SEMA5A: variants seen among roughly 807,000 people sequenced by gnomAD.
SEMA5A encodes semaphorin-5A.
A neutral mutation model predicts 135.5 loss-of-function variants in SEMA5A; 55 were observed. The observed-to-expected ratio is 0.41, with a 90% confidence interval of 0.33 to 0.51. SEMA5A has a LOEUF of 0.51. SEMA5A is among the 20% of genes least tolerant of loss of function. The pLI is 0.37. For missense variants in SEMA5A, 1,290 were observed against 1,419.9 expected (o/e 0.91, Z 1.47); for synonymous variants, 580 against 546.5 (o/e 1.06, Z -0.85).
At chr5:9,425,828 G>A (rs1757626529) in intron 2 of SEMA5A, among the ~76,000 whole-genome samples, 1 of 152,122 alleles carries the variant, frequency 6.6e-6, no homozygotes, top group African/African-American at 2.4e-5. Context: ...ATCCCTTGGG[G>A]ACCTTTAGAA....
chr5:9,085,391 G>T (rs1246547604), intron 16 of SEMA5A, among the ~76,000 whole-genome samples: 1 of 152,154 alleles, frequency 6.6e-6, no homozygotes, highest in East Asian at 1.9e-4. Flanking sequence ...ACCTGGGCTG[G>T]GCCCGGGGTC....
rs141036201 is a variant in SEMA5A at position 9,238,958 on chromosome 5, A to G, written c.271-1068T>C. ...AGCAACCTAGTGTCAAATCATATGA[A>G]GGAAAATAATGGCTTCACCCTTATT... On this transcript the variant is annotated intron_variant, in intron 5 of 22. Coordinates refer to ENST00000382496, the MANE Select transcript of SEMA5A (RefSeq NM_003966.3). Among the ~76,000 whole-genome samples, 11 of 152,284 alleles carry G rather than the reference A, an allele frequency of 7.2e-5. No individual in the cohort carries two copies. In the East Asian group the frequency reaches 2.1e-3, roughly 29 times the overall value.
chr5:9,082,138 T>C (rs753702257), intron 16 of SEMA5A, among the ~76,000 whole-genome samples: 1 of 152,210 alleles, frequency 6.6e-6, no homozygotes, highest in Admixed American at 6.5e-5. Flanking sequence ...AGAATTTCAT[T>C]GTTGTATGAC....
chr5:9,081,147 T>A (rs181437754), intron 16 of SEMA5A, among the ~76,000 whole-genome samples: 294 of 152,092 alleles, frequency 1.9e-3, no homozygotes, highest in African/African-American at 6.8e-3. Flanking sequence ...AAATACAAGA[T>A]CTCAGTCCTA....
rs1441813248 is a variant in SEMA5A, at chr5:9,545,386, C to A, written c.-175+198G>T. On this transcript the variant is annotated intron_variant, in intron 1 of 22. Transcript: ENST00000382496. This position sits in a 1 kb window ranked among gnomAD's most constrained non-coding sequence, Gnocchi z 4.5. Reference sequence around the variant, plus strand: ...GCCCGTGCACTAGCTCAACTGTGGGCGCCCCCGGACTGACGGTCGTCCTAA... The same window carrying A: ...GCCCGTGCACTAGCTCAACTGTGGGAGCCCCCGGACTGACGGTCGTCCTAA... Among the ~76,000 whole-genome samples, 4 of 152,076 alleles carry A rather than the reference C, an allele frequency of 2.6e-5. No homozygotes were observed. In the East Asian group the frequency reaches 7.8e-4, roughly 30 times the overall value.
intron 15 of SEMA5A, among the ~76,000 whole-genome samples, chr5:9,113,400 G>A (rs1218184545): frequency 6.6e-6 from 1 of 152,030 alleles, no homozygotes; most frequent in Non-Finnish European, 1.5e-5. Flanking sequence ...GGCCAGTAAG[G>A]GTTTAGAGGA....
intron 2 of SEMA5A, among the ~76,000 whole-genome samples, chr5:9,434,516 G>A (rs945193261): frequency 6.6e-6 from 1 of 152,068 alleles, no homozygotes; most frequent in Non-Finnish European, 1.5e-5. Flanking sequence ...GTACTCCAGA[G>A]ATAATCTCTG....
intron 16 of SEMA5A, among the ~76,000 whole-genome samples, chr5:9,077,418 C>T (rs976674859): frequency 2.6e-5 from 4 of 152,132 alleles, no homozygotes; most frequent in Non-Finnish European, 5.9e-5. Context: ...ACTACTCTTA[C>T]TAGTCATAGA....
chr5:9,383,827 C>A (rs183143024), intron 2 of SEMA5A, among the ~76,000 whole-genome samples: 2 of 152,128 alleles, frequency 1.3e-5, no homozygotes, highest in African/African-American at 4.8e-5. Flanking sequence ...GAAGCCCTAA[C>A]ATCTTTGCCA....
intron 16 of SEMA5A, among the ~76,000 whole-genome samples, chr5:9,092,765 G>C (rs959365301): frequency 1.1e-4 from 17 of 152,088 alleles, no homozygotes; most frequent in African/African-American, 3.4e-4. Flanking sequence ...GAGTAGATAA[G>C]AACAATATAA....
At chr5:9,201,241 C>A (rs1745687515) in intron 9 of SEMA5A, among the ~76,000 whole-genome samples, 1 of 152,066 alleles carries the variant, frequency 6.6e-6, no homozygotes, top group Non-Finnish European at 1.5e-5. Context: ...CACAGCATAC[C>A]AGCTAAGGAT....
chr5:9,274,847 T>C (rs1207423888), intron 5 of SEMA5A, among the ~76,000 whole-genome samples: 1 of 152,118 alleles, frequency 6.6e-6, no homozygotes, highest in Non-Finnish European at 1.5e-5. Flanking sequence ...TAGAGGGAAA[T>C]TTATGGCACT....
intron 18 of SEMA5A, among the ~76,000 whole-genome samples, chr5:9,059,012 G>A (rs1382371792): frequency 6.6e-6 from 1 of 152,182 alleles, no homozygotes; most frequent in Non-Finnish European, 1.5e-5. Context: ...ACAACTGCCA[G>A]AATTATTCTT....
At chr5:9,452,144 G>C (rs1293463593) in intron 1 of SEMA5A, among the ~76,000 whole-genome samples, 1 of 152,138 alleles carries the variant, frequency 6.6e-6, no homozygotes, top group Admixed American at 6.5e-5. Context: ...TCCTAATGCT[G>C]AGGACAGACC....
At chr5:9,119,366 G>C (rs1045870265) in intron 14 of SEMA5A, among the ~76,000 whole-genome samples, 8 of 152,088 alleles carry the variant, frequency 5.3e-5, no homozygotes, top group African/African-American at 1.9e-4. Flanking sequence ...GGAAATTTGA[G>C]AATAAAGTTT....
At chr5:9,305,197 C>T (rs888428379) in intron 5 of SEMA5A, among the ~76,000 whole-genome samples, 2 of 152,094 alleles carry the variant, frequency 1.3e-5, no homozygotes, top group African/African-American at 4.8e-5. Context: ...GATTTTTCAT[C>T]TCTTAGTCTT....
intron 4 of SEMA5A, among the ~76,000 whole-genome samples, chr5:9,327,045 T>TA (rs1214612463): frequency 1.3e-5 from 2 of 152,184 alleles, no homozygotes; most frequent in Non-Finnish European, 2.9e-5. Flanking sequence ...ATAACTATCC[T>TA]AAAAAATGTC....
At chr5:9,381,377 C>T (rs1162906374) in intron 2 of SEMA5A, among the ~76,000 whole-genome samples, 3 of 152,170 alleles carry the variant, frequency 2.0e-5, no homozygotes, top group East Asian at 1.9e-4. Context: ...GCCACAGATT[C>T]GGGCATTCCT....
At chr5:9,051,812 CA>C in intron 20 of SEMA5A, 60 bp downstream of exon 20, 1 of 1,601,886 alleles carries the variant, frequency 6.2e-7, no homozygotes, top group Non-Finnish European at 8.5e-7. Flanking sequence ...ACCTATGAAT[CA>C]TTTTCTCTCT....
Sources: gnomAD v4.1 joint callset for allele counts (sites outside exome capture counted in the v4.1 genomes callset) on GRCh38, gnomAD v4.1.1 for gene constraint, Gnocchi (gnomAD v3.1) non-coding constraint, MANE v1.5 for transcripts, NCBI Gene and HGNC (gene_info 2026-07-23, HGNC 2026-07-21) for gene names.